SCCPDH: variants seen among roughly 807,000 people sequenced by gnomAD.
The protein encoded by SCCPDH is saccharopine dehydrogenase-like oxidoreductase.
SCCPDH carries 34 observed loss-of-function variants against 51.5 expected under a neutral mutation model. The observed-to-expected ratio is 0.66, with a 90% CI of 0.50 to 0.88. The LOEUF is 0.88. Among genes scored for constraint, SCCPDH ranks in the 40% least tolerant of loss-of-function variants. The probability of loss-of-function intolerance (pLI) is 0.00; values close to 1 mark genes in which losing one functional copy is unlikely to be tolerated. For synonymous variants in SCCPDH, 187 were observed against 191.3 expected, an observed-to-expected ratio of 0.98 and a Z score of 0.19; for missense variants, 464 against 527.1, an observed-to-expected ratio of 0.88 and a Z score of 1.17.
At chr1:246,728,816 G>T (rs1668440821) in intron 2 of SCCPDH, among the ~76,000 whole-genome samples, 1 of 152,060 alleles carries the variant, frequency 6.6e-6, no homozygotes, top group African/African-American at 2.4e-5. Flanking sequence ...CATATCTCTT[G>T]TTACAAGGAA....
intron 3 of SCCPDH, among the ~76,000 whole-genome samples, chr1:246,736,710 A>G (rs1253352427): frequency 6.6e-6 from 1 of 152,214 alleles, no homozygotes; most frequent in Non-Finnish European, 1.5e-5. Flanking sequence ...CTGTCTCAAA[A>G]AAAAAAAGAA....
intron 5 of SCCPDH, among the ~76,000 whole-genome samples, chr1:246,746,107 C>CAAAAA (rs756929255): frequency 4.5e-4 from 36 of 79,524 alleles, no homozygotes; most frequent in African/African-American, 1.3e-3. Context: ...GACTCCATCT[C>CAAAAA]AAAAAAAAAA....
intron 2 of SCCPDH, among the ~76,000 whole-genome samples, chr1:246,731,847 A>G (rs939438027): frequency 1.3e-5 from 2 of 152,012 alleles, no homozygotes; most frequent in Admixed American, 6.6e-5. Flanking sequence ...ATTTCTCTCA[A>G]TGCTATCCCT....
chr1:246,759,625 C>T lies in SCCPDH; in HGVS notation c.814-332C>T, dbSNP rs78470002. Among the ~76,000 whole-genome samples, 684 of 152,218 alleles carry T rather than the reference C, an allele frequency of 4.5e-3. 6 individuals carry two copies. The highest frequency in any genetic ancestry group is 0.015 in the African/African-American group (638 of 41,534). ...GAGGGCATTTTCTTATAGGAGTCTA[C>T]GTTCTGTAATGTATGATTGCTAAGC... is the stretch of plus-strand genomic sequence containing the variant. On this transcript the variant is annotated intron_variant, in intron 7 of 11. Coordinates refer to ENST00000366510, the MANE Select transcript of SCCPDH (RefSeq NM_016002.3).
At chr1:246,733,591 G>A (rs921217060) in intron 2 of SCCPDH, among the ~76,000 whole-genome samples, 20 of 151,930 alleles carry the variant, frequency 1.3e-4, no homozygotes, top group African/African-American at 4.8e-4. Flanking sequence ...ACAGGTTTGA[G>A]CCACCACACC....
chr1:246,740,116 T>TA, intron 3 of SCCPDH, 56 bp from the exon 4 acceptor site: 1 of 1,351,482 alleles, frequency 7.4e-7, no homozygotes, highest in South Asian at 1.5e-5. Context: ...AATTATTTAA[T>TA]ACTGGTCTAC....
At chr1:246,758,179 A>T in intron 5 of SCCPDH, 47 bp from the exon 6 acceptor site, 1 of 1,426,400 alleles carries the variant, frequency 7.0e-7, no homozygotes, top group Non-Finnish European at 9.5e-7. Context: ...TTTACATTTT[A>T]GTAACTACCC....
intron 10 of SCCPDH, 95 bp from the exon 11 acceptor site, chr1:246,765,963 A>G (rs1669081799): frequency 2.5e-6 from 2 of 796,188 alleles, no homozygotes; most frequent in Non-Finnish European, 2.1e-6. Context: ...CTGCACACCT[A>G]GAGTAAGATA....
chr1:246,730,249 C>A (rs921264897), intron 2 of SCCPDH, among the ~76,000 whole-genome samples: 1 of 152,166 alleles, frequency 6.6e-6, no homozygotes, highest in Admixed American at 6.5e-5. Context: ...CAAATCCAGT[C>A]TTCATCTGAA....
intron 1 of SCCPDH, among the ~76,000 whole-genome samples, chr1:246,725,766 A>G (rs770497094): frequency 2.6e-5 from 4 of 152,190 alleles, no homozygotes; most frequent in Admixed American, 6.5e-5. Flanking sequence ...GCAAGATCGT[A>G]CCGGTACAGC....
In SCCPDH at chr1:246,740,195, G is replaced by A. The variant is rs779693166; in HGVS notation, c.408G>A (p.Lys136=). The change falls in exon 4 of 12, where the codon AAG becomes AAA. Residue 136 remains lysine (K), a synonymous_variant. Transcript: ENST00000366510. Reference sequence around the variant, plus strand: ...AGTTTCTGGAACTAATGCAACTGAAGTATCATGAGAAAGCTGCAGACAAAG... The same window carrying A: ...AGTTTCTGGAACTAATGCAACTGAAATATCATGAGAAAGCTGCAGACAAAG... ...EPQFLELMQL[K]YHEKAADKGV... 5.0e-6 allele frequency: 8 copies of A among 1,598,938 alleles called. No individual in the cohort carries two copies. In the Admixed American group the frequency reaches 1.0e-4, roughly 20 times the overall value.
chr1:246,758,252 G>C lies in SCCPDH; in HGVS notation c.591G>C (p.Trp197Cys). The C allele has an allele frequency of 6.2e-7, 1 of 1,606,220 alleles. No homozygotes were observed. The highest frequency in any genetic ancestry group is 1.7e-5 in the Admixed American group (1 of 58,716). ...GGTTGAGCATTCATGATGGTACCTG[G>C]AAGTCAGCAATTTATGGTTTTGGAG... ...PEGLSIHDGT[W>C]KSAIYGFGDQ... The change falls in exon 6 of 12, where the codon TGG becomes TGC. Residue 197 changes from tryptophan to cysteine, a missense_variant. Trp to Cys is a radical substitution (Grantham distance 215). Coordinates refer to ENST00000366510, the MANE Select transcript of SCCPDH (RefSeq NM_016002.3).
At chr1:246,744,483 T>C (rs565760179) in intron 5 of SCCPDH, among the ~76,000 whole-genome samples, 12 of 152,136 alleles carry the variant, frequency 7.9e-5, no homozygotes, top group African/African-American at 2.9e-4. Context: ...CACGCCCGGC[T>C]ATTTTTTTTG....
intron 5 of SCCPDH, among the ~76,000 whole-genome samples, chr1:246,746,609 G>A (rs1668765588): frequency 6.6e-6 from 1 of 152,170 alleles, no homozygotes; most frequent in Admixed American, 6.5e-5. Context: ...GGGAGGCTGA[G>A]GCAGATGGAT....
intron 5 of SCCPDH, among the ~76,000 whole-genome samples, chr1:246,744,735 C>T (rs1288941372): frequency 3.3e-5 from 5 of 152,096 alleles, no homozygotes; most frequent in Admixed American, 6.5e-5. Flanking sequence ...CTGCCTTAGC[C>T]GCCTGAGTAC....
chr1:246,752,341 C>G (rs977430636), intron 5 of SCCPDH, among the ~76,000 whole-genome samples: 1 of 152,114 alleles, frequency 6.6e-6, no homozygotes, highest in African/African-American at 2.4e-5. Flanking sequence ...TCCATGTGTC[C>G]TAGGTTTTCC....
At position 246,760,202 on chromosome 1, in the gene SCCPDH, C is replaced by G; in HGVS notation, c.965C>G (p.Ser322Ter). ...TGGTTCTTCTCCTTTGGCTATTTTT[C>G]AAAACAAGGCCCAACACAAAAACAG... ...FPWFFSFGYF[S>*]KQGPTQKQID... The change falls in exon 9 of 12, where the codon TCA becomes TGA. Residue 322 changes from serine (S) to a stop codon, truncating the protein, a stop_gained. Coordinates refer to ENST00000366510, the MANE Select transcript of SCCPDH (RefSeq NM_016002.3). LOFTEE classifies it high-confidence loss of function. 1 of 1,609,052 alleles carries G rather than the reference C, an allele frequency of 6.2e-7. No individual in the cohort carries two copies. Among genetic ancestry groups the G allele is most frequent in the Non-Finnish European group, 8.5e-7 (1 of 1,178,802 alleles).
In SCCPDH at chr1:246,724,519, G is replaced by T; in HGVS notation, c.97G>T (p.Asp33Tyr). 1 of 1,557,620 alleles carries T rather than the reference G, an allele frequency of 6.4e-7. No homozygotes were observed. ...VTEEVAREQV[D>Y]PERSSRLPWA... ...CGAGGAGGTGGCCCGGGAGCAGGTG[G>T]ACCCGGAGCGGAGCTCCCGCCTGCC... The change falls in exon 1 of 12, where the codon GAC (aspartate) becomes TAC (tyrosine). Residue 33 changes from aspartate to tyrosine, a missense_variant. Physicochemically the swap from Asp to Tyr is radical, Grantham distance 160. Coordinates refer to ENST00000366510, the MANE Select transcript of SCCPDH (RefSeq NM_016002.3).
intron 9 of SCCPDH, 149 bp downstream of exon 9, chr1:246,760,376 A>T (rs1668994575): frequency 4.5e-6 from 3 of 673,316 alleles, no homozygotes; most frequent in Non-Finnish European, 7.3e-6. Context: ...ACACCCCTTG[A>T]ATGTAGGTAT....
Sources: allele counts gnomAD v4.1 joint callset (sites outside exome capture counted in the v4.1 genomes callset), GRCh38; gene constraint gnomAD v4.1.1; transcripts MANE v1.5; gene names NCBI Gene and HGNC (gene_info 2026-07-23, HGNC 2026-07-21).